PTPRD: variants seen among roughly 807,000 people sequenced by gnomAD.
PTPRD encodes receptor-type tyrosine-protein phosphatase delta.
A neutral mutation model predicts 214.5 loss-of-function variants in PTPRD; 34 were observed. The ratio of observed to expected loss-of-function variants is 0.16; its 90% CI spans 0.12 to 0.21. PTPRD has a LOEUF of 0.21. Ranked by LOEUF, PTPRD falls within the 10% of genes least tolerant of loss-of-function variation. The pLI is 1.00. For synonymous variants in PTPRD, 1,128 were observed against 845.7 expected (o/e 1.33, Z -5.79); for missense variants, 2,545 against 2,398.7 (o/e 1.06, Z -1.27).
intron 9 of PTPRD, among the ~76,000 whole-genome samples, chr9:9,268,983 CA>C (rs147426403): frequency 9.4e-5 from 13 of 137,978 alleles, no homozygotes; most frequent in Admixed American, 1.5e-4. Context: ...AAAGCACAGG[CA>C]AAAAAAAAAC....
intron 8 of PTPRD, among the ~76,000 whole-genome samples, chr9:9,417,238 A>G (rs1451153679): frequency 2.0e-5 from 3 of 152,154 alleles, no homozygotes; most frequent in Non-Finnish European, 4.4e-5. Context: ...TTTAAATGGA[A>G]TGTTAATCTG....
chr9:10,490,136 T>G (rs1194425343), intron 2 of PTPRD, among the ~76,000 whole-genome samples: 1 of 152,194 alleles, frequency 6.6e-6, no homozygotes, highest in Non-Finnish European at 1.5e-5. Flanking sequence ...ATTGTTTAAG[T>G]GATCAATCCA....
intron 9 of PTPRD, among the ~76,000 whole-genome samples, chr9:9,267,818 T>C (rs1021362200): frequency 6.6e-5 from 10 of 150,666 alleles, no homozygotes; most frequent in African/African-American, 1.7e-4. Flanking sequence ...TTTGACAAAA[T>C]TGAACATATT....
At chr9:10,170,406 T>G (rs1231942228) in intron 3 of PTPRD, among the ~76,000 whole-genome samples, 3 of 152,076 alleles carry the variant, frequency 2.0e-5, no homozygotes, top group African/African-American at 7.2e-5. Context: ...AGAAATCATT[T>G]TTTGGCCAGG....
chr9:9,711,461 C>A (rs954561479), intron 7 of PTPRD, among the ~76,000 whole-genome samples: 1 of 152,020 alleles, frequency 6.6e-6, no homozygotes, highest in South Asian at 2.1e-4. Flanking sequence ...GCAACAATAA[C>A]AAAAACAGGC....
intron 14 of PTPRD, among the ~76,000 whole-genome samples, chr9:8,575,160 T>C (rs1217694873): frequency 6.6e-6 from 1 of 152,120 alleles, no homozygotes; most frequent in African/African-American, 2.4e-5. Context: ...ACAGAAGTTT[T>C]TAAAGTTGGT....
chr9:9,362,401 A>G (rs1333658974), intron 9 of PTPRD, among the ~76,000 whole-genome samples: 1 of 151,154 alleles, frequency 6.6e-6, no homozygotes, highest in Non-Finnish European at 1.5e-5. Context: ...CAACATTTTA[A>G]AATATCAACC....
In PTPRD at chr9:10,564,171, C is replaced by T. The variant is rs79011315; in HGVS notation, c.-600+48227G>A. ...GTGTGCACCACCACACTAGGCTATTCTTTTTTTTTTTTTTTTTTTTTTTTG... is the reference window on the plus strand; with the variant it reads ...GTGTGCACCACCACACTAGGCTATTTTTTTTTTTTTTTTTTTTTTTTTTTG... On this transcript the variant is annotated intron_variant, in intron 2 of 45. Transcript: ENST00000381196. Among the ~76,000 whole-genome samples the T allele has an allele frequency of 8.2e-3, 241 of 29,366 alleles. 2 individuals are homozygous for T. Among genetic ancestry groups the T allele is most frequent in the South Asian group, 0.02 (12 of 598 alleles). 19.3% of individuals were successfully genotyped at this position (29,366 alleles called of 152,430 possible).
At chr9:9,262,119 T>A (rs1353937481) in intron 9 of PTPRD, among the ~76,000 whole-genome samples, 1 of 151,634 alleles carries the variant, frequency 6.6e-6, no homozygotes, top group Non-Finnish European at 1.5e-5. Flanking sequence ...AATTCCCTTA[T>A]GATTTAATGG....
At chr9:9,635,677 A>C (rs1255359450) in intron 7 of PTPRD, among the ~76,000 whole-genome samples, 1 of 152,168 alleles carries the variant, frequency 6.6e-6, no homozygotes, top group Non-Finnish European at 1.5e-5. Flanking sequence ...GTAGAGTCTC[A>C]ACATGGTTCA....
intron 8 of PTPRD, among the ~76,000 whole-genome samples, chr9:9,412,370 C>T (rs867833141): frequency 5.9e-5 from 9 of 152,144 alleles, no homozygotes; most frequent in African/African-American, 1.7e-4. Flanking sequence ...ATGTATGTAG[C>T]TTCCTGTCAC....
chr9:8,812,450 T>C (rs535365689), intron 11 of PTPRD, among the ~76,000 whole-genome samples: 2 of 152,362 alleles, frequency 1.3e-5, no homozygotes, highest in African/African-American at 2.4e-5. Context: ...GGTAAACTTA[T>C]ATCCATCAAT....
chr9:9,377,360 G>A (rs2061065176), intron 9 of PTPRD, among the ~76,000 whole-genome samples: 1 of 152,030 alleles, frequency 6.6e-6, no homozygotes, highest in South Asian at 2.1e-4. Context: ...GTTTTCCTGT[G>A]ATTATCAACA....
intron 11 of PTPRD, among the ~76,000 whole-genome samples, chr9:8,889,534 T>C (rs1481169526): frequency 6.6e-6 from 1 of 152,200 alleles, no homozygotes; most frequent in Non-Finnish European, 1.5e-5. Context: ...TCGTTAGTGA[T>C]GATTTTGGAG....
At chr9:10,419,965 C>T (rs2098530713) in intron 2 of PTPRD, among the ~76,000 whole-genome samples, 1 of 151,576 alleles carries the variant, frequency 6.6e-6, no homozygotes. Context: ...CTTTACTAGG[C>T]ATAGATAATC....
At chr9:10,487,433 G>C (rs1206860626) in intron 2 of PTPRD, among the ~76,000 whole-genome samples, 2 of 151,906 alleles carry the variant, frequency 1.3e-5, no homozygotes, top group Non-Finnish European at 2.9e-5. Context: ...ATATGATTTA[G>C]TTTTGTTCTT....
intron 4 of PTPRD, among the ~76,000 whole-genome samples, chr9:10,005,086 C>T (rs911062010): frequency 1.3e-5 from 2 of 152,080 alleles, no homozygotes; most frequent in African/African-American, 4.8e-5. Flanking sequence ...AACGTGGACA[C>T]TATTTCCTAT....
At chr9:9,275,107 A>G (rs1370526872) in intron 9 of PTPRD, among the ~76,000 whole-genome samples, 11 of 69,136 alleles carry the variant, frequency 1.6e-4, no homozygotes, top group East Asian at 4.2e-4. Flanking sequence ...TATATAATAT[A>G]TTATATATAT....
chr9:9,928,754 CTA>C (rs2085248251), intron 5 of PTPRD, among the ~76,000 whole-genome samples: 1 of 93,202 alleles, frequency 1.1e-5, no homozygotes, highest in African/African-American at 9.7e-5. Flanking sequence ...ATCTCTCTCT[CTA>C]TACACACACA....
Sources: allele counts gnomAD v4.1 joint callset (sites outside exome capture counted in the v4.1 genomes callset), GRCh38; gene constraint gnomAD v4.1.1; transcripts MANE v1.5; gene names NCBI Gene and HGNC (gene_info 2026-07-23, HGNC 2026-07-21).